Variants in TTBK2 observed in about 807,000 individuals in gnomAD.
The protein encoded by TTBK2 is tau tubulin kinase 2.
Under a neutral mutation model 110.8 loss-of-function variants are expected in TTBK2, and 28 were observed. That is an observed-to-expected ratio of 0.25 (90% confidence interval 0.19 to 0.35). The LOEUF (loss-of-function observed/expected upper bound fraction) is 0.35, where lower values mean the gene tolerates loss of function less well. Ranked by LOEUF, TTBK2 falls within the 10% of genes least tolerant of loss-of-function variation. TTBK2 has a pLI of 1.00. For synonymous variants in TTBK2, 532 were observed against 527.3 expected (o/e 1.01, Z -0.12); for missense variants, 1,369 against 1,500.3 (o/e 0.91, Z 1.45).
rs1479804069 is a variant in TTBK2 at position 42,743,723 on chromosome 15, C to T, written c.*2072G>A. ...CAAGCATGTCCCTGTAATTTTTTCC[C>T]TATTAAAATCTTTTTGAAATGAAAA... On this transcript the variant is annotated 3_prime_UTR_variant, in exon 15 of 15. Transcript: ENST00000267890. 2 of 152,144 alleles carry T rather than the reference C, an allele frequency of 1.3e-5. No homozygotes were observed. The highest frequency in any genetic ancestry group is 2.9e-5 in the Non-Finnish European group (2 of 68,026). 9.4% of individuals were successfully genotyped at this position (152,144 alleles called of 1,614,324 possible). A position where few individuals can be genotyped will look rare whatever the true frequency, so the allele number is the denominator to read the frequency against.
intron 1 of TTBK2, among the ~76,000 whole-genome samples, chr15:42,880,096 T>G (rs1298556318): frequency 6.6e-6 from 1 of 152,072 alleles, no homozygotes; most frequent in East Asian, 1.9e-4. Flanking sequence ...AGTTTTGATT[T>G]TTGAACCATG....
At chr15:42,788,117 A>G (rs1174935989) in intron 10 of TTBK2, among the ~76,000 whole-genome samples, 2 of 152,092 alleles carry the variant, frequency 1.3e-5, no homozygotes, top group African/African-American at 4.8e-5. Flanking sequence ...GACCACTGTC[A>G]TATATGCGGT....
intron 1 of TTBK2, among the ~76,000 whole-genome samples, chr15:42,910,828 G>A (rs185840151): frequency 1.5e-3 from 226 of 152,096 alleles, no homozygotes; most frequent in African/African-American, 4.7e-3. Flanking sequence ...GGCAGATCAC[G>A]AGGTGAGGAG....
At chr15:42,875,955 GC>G (rs1393674044) in intron 2 of TTBK2, among the ~76,000 whole-genome samples, 1 of 147,494 alleles carries the variant, frequency 6.8e-6, no homozygotes, top group Non-Finnish European at 1.5e-5. Flanking sequence ...AGAAGCCACA[GC>G]CACATGGAGA....
At chr15:42,779,554 T>C (rs773511536) in intron 11 of TTBK2, among the ~76,000 whole-genome samples, 4 of 151,980 alleles carry the variant, frequency 2.6e-5, no homozygotes, top group Non-Finnish European at 4.4e-5. Flanking sequence ...CCAAAAGACA[T>C]GAGGTAAAGG....
chr15:42,916,757 T>C (rs1378986249), intron 1 of TTBK2, among the ~76,000 whole-genome samples: 1 of 152,124 alleles, frequency 6.6e-6, no homozygotes, highest in Non-Finnish European at 1.5e-5. Context: ...TGGAAAAATA[T>C]GAACAAAATA....
intron 3 of TTBK2, among the ~76,000 whole-genome samples, chr15:42,842,268 T>C (rs909230960): frequency 6.6e-5 from 10 of 151,708 alleles, no homozygotes; most frequent in East Asian, 3.9e-4. Flanking sequence ...GCCTGAAAGA[T>C]AGGAGGAAAC....
chr15:42,801,810 A>G, intron 9 of TTBK2: 1 of 839,892 alleles, frequency 1.2e-6, no homozygotes, highest in Non-Finnish European at 2.1e-6. Context: ...TGTAAGCTTC[A>G]TCTACATACT....
chr15:42,794,570 T>A, intron 10 of TTBK2, 74 bp downstream of exon 10: 2 of 1,604,162 alleles, frequency 1.2e-6, no homozygotes, highest in African/African-American at 1.3e-5. Context: ...TCTGAGGGAA[T>A]CTGGATGAAG....
intron 1 of TTBK2, among the ~76,000 whole-genome samples, chr15:42,906,929 A>T (rs2030433942): frequency 6.6e-6 from 1 of 152,118 alleles, no homozygotes; most frequent in Non-Finnish European, 1.5e-5. Flanking sequence ...TCATGCCTAT[A>T]ATCTCAGCAA....
intron 1 of TTBK2, among the ~76,000 whole-genome samples, chr15:42,905,318 A>T (rs2030320777): frequency 6.6e-6 from 1 of 152,214 alleles, no homozygotes; most frequent in South Asian, 2.1e-4. Context: ...CTGTCACCCA[A>T]GCTGGAATAC....
chr15:42,885,712 A>G (rs1310054671), intron 1 of TTBK2, among the ~76,000 whole-genome samples: 1 of 151,916 alleles, frequency 6.6e-6, no homozygotes, highest in Non-Finnish European at 1.5e-5. Context: ...CTGGGGGGCA[A>G]GCACTCCCCA....
intron 9 of TTBK2, among the ~76,000 whole-genome samples, chr15:42,807,386 A>C (rs1252911225): frequency 6.6e-6 from 1 of 152,072 alleles, no homozygotes; most frequent in African/African-American, 2.4e-5. Flanking sequence ...TATTTGTGTT[A>C]CCAGGATCAC....
chr15:42,760,462 T>C (rs2062011077), intron 13 of TTBK2, among the ~76,000 whole-genome samples: 1 of 151,144 alleles, frequency 6.6e-6, no homozygotes, highest in African/African-American at 2.4e-5. Flanking sequence ...AACAACAGAC[T>C]AGACCAGGCA....
intron 3 of TTBK2, among the ~76,000 whole-genome samples, chr15:42,872,252 A>C (rs1195363983): frequency 6.6e-6 from 1 of 152,216 alleles, no homozygotes; most frequent in Non-Finnish European, 1.5e-5. Context: ...TTTAACATCC[A>C]AAGACTTGAG....
chr15:42,885,519 C>G (rs1458489664), intron 1 of TTBK2, among the ~76,000 whole-genome samples: 1 of 152,240 alleles, frequency 6.6e-6, no homozygotes, highest in Non-Finnish European at 1.5e-5. Flanking sequence ...AGGAAGGCAG[C>G]ATTCCCTTGG....
Position 42,814,222 on chromosome 15 carries a change from A to C in TTBK2, c.604-2442T>G, listed in dbSNP as rs149193555. ...TTTTTAGTAGAGACGGGGTTTTACCATGTTGGCCAGGCTCAAGTGTTTTTA... is the reference window on the plus strand; with the variant it reads ...TTTTTAGTAGAGACGGGGTTTTACCCTGTTGGCCAGGCTCAAGTGTTTTTA... On this transcript the variant is annotated intron_variant, in intron 7 of 14. Coordinates refer to ENST00000267890, the MANE Select transcript of TTBK2 (RefSeq NM_173500.4). Among the ~76,000 whole-genome samples the C allele has an allele frequency of 3.4e-3, 525 of 152,214 alleles. 2 individuals carry two copies. Among genetic ancestry groups the C allele is most frequent in the African/African-American group, 0.012 (500 of 41,530 alleles).
intron 13 of TTBK2, among the ~76,000 whole-genome samples, chr15:42,756,847 C>A (rs1480665822): frequency 2.7e-5 from 4 of 150,360 alleles, no homozygotes; most frequent in African/African-American, 1.0e-4. Context: ...GCCTGGGCAA[C>A]ATAGCAATAC....
At chr15:42,912,258 A>AG (rs2030802601) in intron 1 of TTBK2, among the ~76,000 whole-genome samples, 1 of 152,220 alleles carries the variant, frequency 6.6e-6, no homozygotes, top group African/African-American at 2.4e-5. Flanking sequence ...CAGGAGCTGG[A>AG]GGATGATATA....
Sources: allele counts gnomAD v4.1 joint callset (sites outside exome capture counted in the v4.1 genomes callset), GRCh38; gene constraint gnomAD v4.1.1; transcripts MANE v1.5; gene names NCBI Gene and HGNC (gene_info 2026-07-23, HGNC 2026-07-21).